The following VPS13B variants were observed in gnomAD, a reference collection of about 807,000 sequenced individuals.
The protein encoded by VPS13B is intermembrane lipid transfer protein VPS13B.
In VPS13B, 285 loss-of-function variants were observed where a neutral mutation model predicts 426.4. That is an observed-to-expected ratio of 0.67 (90% CI 0.61 to 0.74). VPS13B has a LOEUF of 0.74. Among genes scored for constraint, VPS13B ranks in the 30% least tolerant of loss-of-function variants. The pLI is 0.00. For missense variants in VPS13B, 4,537 were observed against 4,782.6 expected (o/e 0.95, Z 1.51); for synonymous variants, 1,676 against 1,676.4 (o/e 1.00, Z 0.01).
intron 12 of VPS13B, among the ~76,000 whole-genome samples, chr8:99,139,776 A>G (rs1372983707): frequency 6.6e-6 from 1 of 151,966 alleles, no homozygotes; most frequent in African/African-American, 2.4e-5. Context: ...TACCTGAAAC[A>G]AGAAATTTGT....
chr8:99,649,570 G>A (rs542635885), intron 34 of VPS13B, among the ~76,000 whole-genome samples: 5 of 151,662 alleles, frequency 3.3e-5, no homozygotes, highest in Non-Finnish European at 7.4e-5. Flanking sequence ...TGTAACAGCT[G>A]CTTAAAGTCT....
At chr8:99,507,303 C>T (rs1181998875) in intron 28 of VPS13B, 100 bp downstream of exon 28, 1 of 1,282,900 alleles carries the variant, frequency 7.8e-7, no homozygotes, top group East Asian at 2.4e-5. Flanking sequence ...AATTTGAGTT[C>T]AGAATAAATT....
chr8:99,772,272 T>C (rs1224510830), intron 40 of VPS13B, among the ~76,000 whole-genome samples: 2 of 152,198 alleles, frequency 1.3e-5, no homozygotes, highest in African/African-American at 4.8e-5. Context: ...AAGGTTATTT[T>C]TCAAACTACA....
intron 19 of VPS13B, among the ~76,000 whole-genome samples, chr8:99,339,378 G>T (rs967078738): frequency 4.6e-5 from 7 of 152,096 alleles, no homozygotes; most frequent in African/African-American, 1.7e-4. Flanking sequence ...GAAGGTGGAG[G>T]TGGAGTAGGA....
At chr8:99,307,815 C>A (rs559235668) in intron 19 of VPS13B, among the ~76,000 whole-genome samples, 153 of 151,844 alleles carry the variant, frequency 1.0e-3, no homozygotes, top group African/African-American at 3.5e-3. Flanking sequence ...TTGGTTTGTT[C>A]TTGCTTTTCT....
At chr8:99,245,183 G>A (rs1817150852) in intron 17 of VPS13B, among the ~76,000 whole-genome samples, 1 of 152,182 alleles carries the variant, frequency 6.6e-6, no homozygotes, top group Admixed American at 6.5e-5. Context: ...ATAATACTGT[G>A]TGATTTTGAA....
At chr8:99,615,711 G>A (rs1828055962) in intron 33 of VPS13B, among the ~76,000 whole-genome samples, 1 of 152,194 alleles carries the variant, frequency 6.6e-6, no homozygotes, top group East Asian at 1.9e-4. Context: ...CACACCTGAT[G>A]GAATCATGGT....
At chr8:99,752,965 G>T (rs369062651) in intron 39 of VPS13B, among the ~76,000 whole-genome samples, 2 of 152,148 alleles carry the variant, frequency 1.3e-5, no homozygotes, top group African/African-American at 2.4e-5. Context: ...GTATGACAAG[G>T]TGAAAAAGCT....
rs1288220768 is a variant in VPS13B at position 99,541,336 on chromosome 8, A to AT, written c.4746-15105dup. 3.3e-5 allele frequency among the ~76,000 whole-genome samples: 5 copies of AT among 151,100 alleles called. No individual in the cohort carries two copies. In the East Asian group the frequency reaches 5.8e-4, roughly 18 times the overall value. On this transcript the variant is annotated intron_variant, in intron 30 of 61. Coordinates refer to ENST00000357162, the MANE Select transcript of VPS13B (RefSeq NM_152564.5). ...ATATTCTTAAGAATAAGCATGGCACATTTTTTTTTAACTTTAAGTTCTGGA... is the reference window on the plus strand; with the variant it reads ...ATATTCTTAAGAATAAGCATGGCACATTTTTTTTTTAACTTTAAGTTCTGGA...
chr8:99,016,646 C>T (rs1318152022), intron 2 of VPS13B, among the ~76,000 whole-genome samples: 2 of 131,406 alleles, frequency 1.5e-5, no homozygotes, highest in Admixed American at 9.3e-5. Flanking sequence ...GGCTGGAGTG[C>T]AGTGGTGCGA....
At chr8:99,520,053 C>G (rs1822292006) in intron 29 of VPS13B, among the ~76,000 whole-genome samples, 1 of 152,088 alleles carries the variant, frequency 6.6e-6, no homozygotes, top group Non-Finnish European at 1.5e-5. Context: ...GGAAAAAGTG[C>G]TGAACTTCAG....
intron 35 of VPS13B, among the ~76,000 whole-genome samples, chr8:99,665,517 A>G (rs1830449830): frequency 6.6e-6 from 1 of 152,186 alleles, no homozygotes; most frequent in Non-Finnish European, 1.5e-5. Flanking sequence ...GAAGGGATTG[A>G]GTTTCAGCTT....
At chr8:99,638,325 G>T (rs1178942197) in intron 33 of VPS13B, among the ~76,000 whole-genome samples, 7 of 152,058 alleles carry the variant, frequency 4.6e-5, no homozygotes, top group African/African-American at 1.4e-4. Context: ...GCTGTAAAAT[G>T]GAGATAGTAG....
chr8:99,191,041 T>G (rs1813544055), intron 16 of VPS13B, among the ~76,000 whole-genome samples: 1 of 147,946 alleles, frequency 6.8e-6, no homozygotes, highest in Non-Finnish European at 1.5e-5. Context: ...TTTTTGAAAG[T>G]TTTTTTTTTC....
chr8:99,433,869 C>T (rs551350842), intron 22 of VPS13B, among the ~76,000 whole-genome samples: 6 of 152,152 alleles, frequency 3.9e-5, no homozygotes, highest in Admixed American at 3.3e-4. Flanking sequence ...TGCAGTGATG[C>T]GATCTCAACT....
intron 2 of VPS13B, among the ~76,000 whole-genome samples, chr8:99,027,082 G>T (rs1842178527): frequency 6.6e-6 from 1 of 152,044 alleles, no homozygotes; most frequent in African/African-American, 2.4e-5. Flanking sequence ...CACCACGTTG[G>T]CCAGGCTGGT....
chr8:99,115,372 A>G (rs1847601430), intron 6 of VPS13B, among the ~76,000 whole-genome samples: 1 of 151,996 alleles, frequency 6.6e-6, no homozygotes, highest in African/African-American at 2.4e-5. Context: ...TCTTAATGTT[A>G]TAGAGTAGCT....
At chr8:99,866,964 G>A (rs143669280) in intron 58 of VPS13B, among the ~76,000 whole-genome samples, 2 of 152,346 alleles carry the variant, frequency 1.3e-5, no homozygotes, top group Non-Finnish European at 2.9e-5. Flanking sequence ...TGGCATTTCT[G>A]TAGAAGGTTT....
intron 22 of VPS13B, among the ~76,000 whole-genome samples, chr8:99,432,207 T>C (rs187204459): frequency 2.1e-4 from 32 of 152,278 alleles, no homozygotes; most frequent in Non-Finnish European, 3.5e-4. Context: ...TACAATTAGA[T>C]GCTTATTTGA....
Sources: allele counts gnomAD v4.1 joint callset (sites outside exome capture counted in the v4.1 genomes callset), GRCh38; gene constraint gnomAD v4.1.1; transcripts MANE v1.5; gene names NCBI Gene and HGNC (gene_info 2026-07-23, HGNC 2026-07-21).